The following POGLUT2 variants were observed in gnomAD, a reference collection of about 807,000 sequenced individuals.
POGLUT2 encodes the protein ER protein 58.
Under a neutral mutation model 57.6 loss-of-function variants are expected in POGLUT2, and 47 were observed. That is an observed-to-expected ratio of 0.82 (90% CI 0.65 to 1.04). POGLUT2 has a LOEUF of 1.04. Ranked by LOEUF, POGLUT2 falls within the 50% of genes least tolerant of loss-of-function variation. The pLI, the probability that POGLUT2 is intolerant of heterozygous loss-of-function variation, is 0.00. For synonymous variants in POGLUT2, 200 were observed against 218.8 expected, an observed-to-expected ratio of 0.91 and a Z score of 0.76; for missense variants, 565 against 614.8, an observed-to-expected ratio of 0.92 and a Z score of 0.86.
At position 102,793,916 on chromosome 13, in the gene POGLUT2, A is replaced by T. The variant is rs951091045; in HGVS notation, c.389-110T>A. 10 of 921,406 alleles carry T rather than the reference A, an allele frequency of 1.1e-5. No homozygotes were observed. In the African/African-American group the frequency reaches 1.5e-4, roughly 14 times the overall value. 57.1% of individuals were successfully genotyped at this position (921,406 alleles called of 1,614,324 possible). On this transcript the variant is annotated intron_variant, in intron 2 of 9. Coordinates refer to ENST00000376004, the MANE Select transcript of POGLUT2 (RefSeq NM_024089.3). ...CATGAATTTTGCTTAGTTACATAGGAAGAGCATTTTCATTGAAAACACATT... is the reference window on the plus strand; with the variant it reads ...CATGAATTTTGCTTAGTTACATAGGTAGAGCATTTTCATTGAAAACACATT...
Position 102,793,894 on chromosome 13 carries a change from G to A in POGLUT2, c.389-88C>T, listed in dbSNP as rs1296176023. On this transcript the variant is annotated intron_variant, in intron 2 of 9. Transcript: ENST00000376004. ...ATAAACATCTATAATGTGGCTTCAT[G>A]AATTTTGCTTAGTTACATAGGAAGA... 5.9e-6 allele frequency: 7 copies of A among 1,195,596 alleles called. No homozygotes were observed. The African/African-American group carries it at 9.0e-5, about 15-fold the overall frequency. The allele number at this position is 1,195,596 out of a possible 1,614,324, so 74.1% of individuals were successfully genotyped here.
intron 2 of POGLUT2, among the ~76,000 whole-genome samples, chr13:102,794,235 GA>G (rs537119535): frequency 6.6e-5 from 10 of 150,872 alleles, no homozygotes; most frequent in Non-Finnish European, 1.2e-4. Flanking sequence ...CCGTTTCAAA[GA>G]AAAAAAAAGT....
intron 2 of POGLUT2, among the ~76,000 whole-genome samples, chr13:102,795,329 G>A (rs983605273): frequency 6.6e-6 from 1 of 151,382 alleles, no homozygotes; most frequent in Non-Finnish European, 1.5e-5. Context: ...TTGGGAGACT[G>A]AGGTGGGCAG....
Position 102,798,624 on chromosome 13 carries a change from G to A in POGLUT2, c.47C>T (p.Pro16Leu). The change falls in exon 1 of 10, where the codon CCA (proline) becomes CTA (leucine). Residue 16 changes from proline to leucine, a missense_variant. By Grantham distance (98) the Pro-to-Leu change is moderately conservative. Transcript: ENST00000376004. ...LLYCFFLATV[P>L]ALAETGGERQ... ...TTCTCCGCCGGTCTCGGCGAGTGCTGGAACTGTCGCCAGAAAGAAGCAATA... is the reference window on the plus strand; with the variant it reads ...TTCTCCGCCGGTCTCGGCGAGTGCTAGAACTGTCGCCAGAAAGAAGCAATA... The A allele has an allele frequency of 6.2e-7, 1 of 1,611,100 alleles. No homozygotes were observed. The highest frequency in any genetic ancestry group is 8.5e-7 in the Non-Finnish European group (1 of 1,178,868).
chr13:102,788,419 G>C (rs2139084484), intron 7 of POGLUT2, among the ~76,000 whole-genome samples: 1 of 152,326 alleles, frequency 6.6e-6, no homozygotes, highest in East Asian at 1.9e-4. Flanking sequence ...TTGTGGCTCA[G>C]AGCAACGCTA....
chr13:102,795,903 T>C (rs1488841500), intron 2 of POGLUT2, among the ~76,000 whole-genome samples: 1 of 152,168 alleles, frequency 6.6e-6, no homozygotes, highest in African/African-American at 2.4e-5. Flanking sequence ...ATTTCTGCCT[T>C]TGTATATACA....
chr13:102,794,929 T>C (rs959717262), intron 2 of POGLUT2, among the ~76,000 whole-genome samples: 1 of 131,210 alleles, frequency 7.6e-6, no homozygotes, highest in Non-Finnish European at 1.5e-5. Flanking sequence ...GGAACTGCTA[T>C]TCTTTTTTTT....
At chr13:102,794,864 T>C (rs1267690176) in intron 2 of POGLUT2, among the ~76,000 whole-genome samples, 1 of 152,012 alleles carries the variant, frequency 6.6e-6, no homozygotes, top group African/African-American at 2.4e-5. Flanking sequence ...GTTCTTAAAG[T>C]GTCTAAGGTA....
chr13:102,792,770 G>C (rs911770576), intron 4 of POGLUT2, among the ~76,000 whole-genome samples: 2 of 152,120 alleles, frequency 1.3e-5, no homozygotes, highest in Non-Finnish European at 2.9e-5. Flanking sequence ...TCATCTCAGA[G>C]GGAGCTGGCC....
At position 102,790,989 on chromosome 13, in the gene POGLUT2, G is replaced by A; in HGVS notation, c.995C>T (p.Ala332Val). The A allele has an allele frequency of 6.2e-7, 1 of 1,614,140 alleles. No homozygotes were observed. Among genetic ancestry groups the A allele is most frequent in the African/African-American group, 1.3e-5 (1 of 75,066 alleles). Reference protein sequence around the residue: ...LSRKHPELIDAAFTNFFFFKH... With the variant: ...LSRKHPELIDVAFTNFFFFKH... ...AAAGAAGAAAAAGTTGGTGAAAGCA[G>A]CGTCTATGAGTTCTGGGTGTTTTCT... The change falls in exon 6 of 10, where the codon GCT becomes GTT. Residue 332 changes from alanine (A) to valine (V), a missense_variant. By Grantham distance (64) the Ala-to-Val change is moderately conservative. Transcript: ENST00000376004.
chr13:102,784,615 A>T, intron 9 of POGLUT2, 103 bp from the exon 10 acceptor site: 1 of 732,598 alleles, frequency 1.4e-6, no homozygotes. Flanking sequence ...AGAGGGAGCC[A>T]AGCTGCTGCT....
At chr13:102,787,973 T>G (rs367935251) in intron 7 of POGLUT2, 50 bp from the exon 8 acceptor site, 1 of 1,122,606 alleles carries the variant, frequency 8.9e-7, no homozygotes, top group Non-Finnish European at 1.3e-6. Context: ...ATTTTTCCCA[T>G]GCAGGCATCT....
At chr13:102,787,973 T>C (rs367935251) in intron 7 of POGLUT2, 50 bp from the exon 8 acceptor site, 4 of 1,122,606 alleles carry the variant, frequency 3.6e-6, no homozygotes, top group Non-Finnish European at 5.3e-6. Flanking sequence ...ATTTTTCCCA[T>C]GCAGGCATCT....
chr13:102,789,807 A>G (rs1185074101), intron 6 of POGLUT2, among the ~76,000 whole-genome samples: 2 of 152,210 alleles, frequency 1.3e-5, no homozygotes, highest in Non-Finnish European at 2.9e-5. Flanking sequence ...CATGTTGGCC[A>G]GGCTGGTCTC....
intron 4 of POGLUT2, 68 bp downstream of exon 4, chr13:102,793,273 T>C (rs2139096370): frequency 1.1e-6 from 1 of 870,958 alleles, no homozygotes; most frequent in East Asian, 2.4e-5. Context: ...AATTTGTATT[T>C]TGAAAAATTA....
rs1451693472 is a variant in POGLUT2 at position 102,791,012 on chromosome 13, T to C, written c.972A>G (p.Arg324=). The C allele has an allele frequency of 1.9e-6, 3 of 1,614,108 alleles. No homozygotes were observed. The highest frequency in any genetic ancestry group is 2.2e-5 in the East Asian group (1 of 44,904). ...KERLELVKLS[R]KHPELIDAAF... ...CAGCGTCTATGAGTTCTGGGTGTTTTCTACTGAGTTTAACCAGCTCGAGTC... is the reference window on the plus strand; with the variant it reads ...CAGCGTCTATGAGTTCTGGGTGTTTCCTACTGAGTTTAACCAGCTCGAGTC... Residue 324 remains arginine (R), a synonymous_variant, in exon 6 of 10, where the codon AGA becomes AGG. Transcript: ENST00000376004.
At chr13:102,786,145 C>G in intron 9 of POGLUT2, 87 bp downstream of exon 9, 1 of 817,704 alleles carries the variant, frequency 1.2e-6, no homozygotes, top group Non-Finnish European at 2.1e-6. Flanking sequence ...TATTTGCTGC[C>G]TGATTGAATG....
chr13:102,793,671 A>G lies in POGLUT2; in HGVS notation c.524T>C (p.Ile175Thr), dbSNP rs757975884. 2 of 1,614,140 alleles carry G rather than the reference A, an allele frequency of 1.2e-6. No homozygotes were observed. Among genetic ancestry groups the G allele is most frequent in the Admixed American group, 1.7e-5 (1 of 60,006 alleles). ...AHFPAVDPEK[I>T]AVEIPKRFGQ... ...AAATCTTTTTGGGATTTCTACTGCA[A>G]TCTTTTCTGGATCCACAGCAGGGAA... The change falls in exon 3 of 10, where the codon ATT becomes ACT. Residue 175 changes from isoleucine to threonine, a missense_variant. Transcript: ENST00000376004.
At chr13:102,794,216 A>G (rs1347361995) in intron 2 of POGLUT2, among the ~76,000 whole-genome samples, 1 of 152,160 alleles carries the variant, frequency 6.6e-6, no homozygotes, top group African/African-American at 2.4e-5. Flanking sequence ...TGGGCAAGAC[A>G]GTGAGAGCCC....
Sources: gnomAD v4.1 joint callset for allele counts (sites outside exome capture counted in the v4.1 genomes callset) on GRCh38, gnomAD v4.1.1 for gene constraint, MANE v1.5 for transcripts, NCBI Gene and HGNC (gene_info 2026-07-23, HGNC 2026-07-21) for gene names.